CNTN4: variants seen among roughly 807,000 people sequenced by gnomAD.
CNTN4 encodes contactin 4, also known as contactin-4.
In CNTN4, 77 loss-of-function variants were observed where a neutral mutation model predicts 122.5. The ratio of observed to expected loss-of-function variants is 0.63; its 90% confidence interval spans 0.52 to 0.76. CNTN4 has a LOEUF of 0.76. Among genes scored for constraint, CNTN4 ranks in the 30% least tolerant of loss-of-function variants. The pLI, the probability that CNTN4 is intolerant of heterozygous loss-of-function variation, is 0.00. For synonymous variants in CNTN4, 512 were observed against 447.0 expected, an observed-to-expected ratio of 1.15 and a Z score of -1.83; for missense variants, 1,256 against 1,259.1, an observed-to-expected ratio of 1.00 and a Z score of 0.04.
At chr3:2,211,380 T>C (rs1479204102) in intron 2 of CNTN4, among the ~76,000 whole-genome samples, 1 of 152,142 alleles carries the variant, frequency 6.6e-6, no homozygotes, top group African/African-American at 2.4e-5. Flanking sequence ...CTAAACTATA[T>C]GGCAGCATCT....
At chr3:2,312,840 T>A (rs1047499799) in intron 2 of CNTN4, among the ~76,000 whole-genome samples, 14 of 152,210 alleles carry the variant, frequency 9.2e-5, no homozygotes, top group African/African-American at 3.1e-4. Flanking sequence ...TGTGTTTGTG[T>A]GGTGGCTTGT....
chr3:2,423,959 G>GGGATAGC (rs199873006), intron 3 of CNTN4, among the ~76,000 whole-genome samples: 1 of 39,462 alleles, frequency 2.5e-5, no homozygotes, highest in African/African-American at 9.9e-5. Context: ...GGTTTTTTTT[G>GGGATAGC]ATTAGGCAAC....
At chr3:2,778,166 A>G (rs6809695) in intron 6 of CNTN4, among the ~76,000 whole-genome samples, 3 of 141,210 alleles carry the variant, frequency 2.1e-5, no homozygotes, top group Admixed American at 6.9e-5. Context: ...GTGAGCCGAG[A>G]TCGCGCCACT....
intron 23 of CNTN4, among the ~76,000 whole-genome samples, chr3:3,044,090 T>A (rs1304045126): frequency 1.3e-5 from 2 of 152,204 alleles, no homozygotes; most frequent in East Asian, 3.9e-4. Context: ...TTAATCATTT[T>A]TGTTCGTATG....
intron 4 of CNTN4, among the ~76,000 whole-genome samples, chr3:2,609,345 C>T (rs1201862247): frequency 1.3e-5 from 2 of 152,180 alleles, no homozygotes; most frequent in Non-Finnish European, 2.9e-5. Flanking sequence ...ATTCAAGGTG[C>T]CACCTTGGAA....
intron 3 of CNTN4, among the ~76,000 whole-genome samples, chr3:2,444,993 A>C (rs1203553929): frequency 6.7e-6 from 1 of 150,328 alleles, no homozygotes; most frequent in African/African-American, 2.5e-5. Context: ...CCCACTTCTT[A>C]CTATGTAAAA....
intron 4 of CNTN4, among the ~76,000 whole-genome samples, chr3:2,638,953 A>G (rs1197784294): frequency 6.6e-6 from 1 of 152,164 alleles, no homozygotes; most frequent in Non-Finnish European, 1.5e-5. Context: ...ACCAGCAAGC[A>G]TCTTTCTTCT....
chr3:2,410,680 A>G (rs1255085108), intron 3 of CNTN4, among the ~76,000 whole-genome samples: 1 of 152,192 alleles, frequency 6.6e-6, no homozygotes, highest in African/African-American at 2.4e-5. Flanking sequence ...ATCAGCACAG[A>G]AAACCAATTT....
intron 3 of CNTN4, among the ~76,000 whole-genome samples, chr3:2,422,167 G>C: frequency 6.6e-6 from 1 of 152,184 alleles, no homozygotes; most frequent in East Asian, 1.9e-4. Flanking sequence ...CACATCTAGA[G>C]CACTGCCCAT....
intron 4 of CNTN4, among the ~76,000 whole-genome samples, chr3:2,716,526 T>G (rs2087508005): frequency 6.6e-6 from 1 of 152,094 alleles, no homozygotes; most frequent in African/African-American, 2.4e-5. Context: ...ATGATTTACA[T>G]TTTCTCCCAT....
intron 2 of CNTN4, among the ~76,000 whole-genome samples, chr3:2,176,669 C>G (rs1195446807): frequency 6.6e-6 from 1 of 152,046 alleles, no homozygotes; most frequent in African/African-American, 2.4e-5. Flanking sequence ...GCATGATATG[C>G]CACAAGCAAA....
intron 2 of CNTN4, among the ~76,000 whole-genome samples, chr3:2,283,863 GTTT>G (rs971436090): frequency 6.6e-6 from 1 of 152,008 alleles, no homozygotes; most frequent in African/African-American, 2.4e-5. Context: ...ATTAAACCCT[GTTT>G]TTATTTCTAA....
At chr3:2,154,897 G>T (rs890297999) in intron 2 of CNTN4, among the ~76,000 whole-genome samples, 4 of 152,146 alleles carry the variant, frequency 2.6e-5, no homozygotes, top group African/African-American at 9.7e-5. Flanking sequence ...TATCTGTATG[G>T]GCCTGCCCAG....
At chr3:2,186,586 G>A (rs2037278080) in intron 2 of CNTN4, among the ~76,000 whole-genome samples, 1 of 152,140 alleles carries the variant, frequency 6.6e-6, no homozygotes, top group Non-Finnish European at 1.5e-5. Flanking sequence ...ATCCTCTCCA[G>A]CACCTGTTGT....
chr3:2,532,290 T>A (rs1358690139), intron 3 of CNTN4, among the ~76,000 whole-genome samples: 2 of 152,102 alleles, frequency 1.3e-5, no homozygotes, highest in African/African-American at 4.8e-5. Context: ...TCTCACCCTG[T>A]CACCCTGGGC....
chr3:2,645,648 A>T (rs566855241), intron 4 of CNTN4, among the ~76,000 whole-genome samples: 1 of 152,324 alleles, frequency 6.6e-6, no homozygotes, highest in South Asian at 2.1e-4. Context: ...GCATTTAAAA[A>T]TTGGTCCCCA....
chr3:2,692,224 A>G (rs538981848), intron 4 of CNTN4, among the ~76,000 whole-genome samples: 1 of 152,342 alleles, frequency 6.6e-6, no homozygotes, highest in African/African-American at 2.4e-5. Context: ...TTTTGCAAAT[A>G]GCAGGAGGAA....
chr3:2,959,236 G>T (rs2094829369), intron 13 of CNTN4, among the ~76,000 whole-genome samples: 1 of 152,132 alleles, frequency 6.6e-6, no homozygotes, highest in Non-Finnish European at 1.5e-5. Flanking sequence ...AGTCCTTTTA[G>T]GTCAAGGAAA....
intron 2 of CNTN4, among the ~76,000 whole-genome samples, chr3:2,335,264 G>C (rs1440398148): frequency 6.6e-6 from 1 of 151,936 alleles, no homozygotes; most frequent in Non-Finnish European, 1.5e-5. Flanking sequence ...TACAAGTTAT[G>C]GATTGAACAT....
Sources: gnomAD v4.1 joint callset for allele counts (sites outside exome capture counted in the v4.1 genomes callset) on GRCh38, gnomAD v4.1.1 for gene constraint, MANE v1.5 for transcripts, NCBI Gene and HGNC (gene_info 2026-07-23, HGNC 2026-07-21) for gene names.